Variants in SUGCT observed in about 807,000 individuals in gnomAD.
SUGCT encodes succinyl-CoA:glutarate-CoA transferase.
Under a neutral mutation model 55.0 loss-of-function variants are expected in SUGCT, and 41 were observed. That is an observed-to-expected ratio of 0.74 (90% confidence interval 0.58 to 0.97). The LOEUF (loss-of-function observed/expected upper bound fraction) is 0.97. Among genes scored for constraint, SUGCT ranks in the 50% least tolerant of loss-of-function variants. The pLI, the probability that SUGCT is intolerant of heterozygous loss-of-function variation, is 0.00. For missense variants in SUGCT, 568 were observed against 547.8 expected, an observed-to-expected ratio of 1.04 and a Z score of -0.37; for synonymous variants, 187 against 200.4, an observed-to-expected ratio of 0.93 and a Z score of 0.56.
chr7:40,464,387 C>G (rs1315096342), intron 11 of SUGCT, among the ~76,000 whole-genome samples: 1 of 152,074 alleles, frequency 6.6e-6, no homozygotes, highest in Non-Finnish European at 1.5e-5. Flanking sequence ...AGGAGCAACT[C>G]CTTTAATCTG....
intron 9 of SUGCT, among the ~76,000 whole-genome samples, chr7:40,425,615 A>G (rs948173252): frequency 5.3e-5 from 8 of 151,930 alleles, no homozygotes; most frequent in Admixed American, 3.9e-4. Flanking sequence ...CTACAAAGTG[A>G]CTCTCAGCTT....
chr7:40,946,735 A>G, the SUGCT span, among the ~76,000 whole-genome samples: 1 of 152,274 alleles, frequency 6.6e-6, no homozygotes, highest in East Asian at 1.9e-4. Flanking sequence ...TTGGTTGGCA[A>G]TTATTTTCTT....
At chr7:40,984,577 T>C in the SUGCT span, among the ~76,000 whole-genome samples, 1 of 152,202 alleles carries the variant, frequency 6.6e-6, no homozygotes, top group East Asian at 1.9e-4. Context: ...GACTTGTTTC[T>C]TAGCTATTAC....
chr7:40,156,456 C>G (rs896294921), intron 1 of SUGCT, among the ~76,000 whole-genome samples: 1 of 151,910 alleles, frequency 6.6e-6, no homozygotes, highest in Admixed American at 6.6e-5. Flanking sequence ...GAGTGAGACT[C>G]TGCCTCAAAG....
chr7:40,199,057 A>G (rs534208819), intron 6 of SUGCT, among the ~76,000 whole-genome samples: 9 of 150,984 alleles, frequency 6.0e-5, no homozygotes, highest in Non-Finnish European at 1.0e-4. Context: ...TTTTTTTTTA[A>G]TAAGACTGAT....
chr7:40,372,557 T>A (rs1479960158), intron 9 of SUGCT, among the ~76,000 whole-genome samples: 1 of 152,066 alleles, frequency 6.6e-6, no homozygotes, highest in African/African-American at 2.4e-5. Flanking sequence ...TTGATTTTAC[T>A]GGGAAATAGA....
At chr7:40,210,454 ATATG>A (rs1453316676) in intron 6 of SUGCT, among the ~76,000 whole-genome samples, 1 of 151,784 alleles carries the variant, frequency 6.6e-6, no homozygotes, top group Non-Finnish European at 1.5e-5. Flanking sequence ...ATGTGCATAT[ATATG>A]TGTGTGTGTG....
At chr7:40,824,633 A>C (rs1031353870) in intron 13 of SUGCT, among the ~76,000 whole-genome samples, 6 of 152,330 alleles carry the variant, frequency 3.9e-5, no homozygotes, top group African/African-American at 1.2e-4. Context: ...CTGCTATAAC[A>C]GAACACCAAA....
chr7:40,917,347 A>T, the SUGCT span, among the ~76,000 whole-genome samples: 18 of 152,348 alleles, frequency 1.2e-4, no homozygotes, highest in African/African-American at 4.3e-4. Context: ...AGTTTCTACC[A>T]TACATAAGTT....
intron 2 of SUGCT, among the ~76,000 whole-genome samples, chr7:40,181,515 G>A (rs922100906): frequency 7.9e-5 from 12 of 152,154 alleles, no homozygotes; most frequent in Non-Finnish European, 1.0e-4. Context: ...GGAGGCTGAG[G>A]CGGGCGGATC....
At chr7:40,208,557 A>C (rs1787133687) in intron 6 of SUGCT, among the ~76,000 whole-genome samples, 1 of 151,732 alleles carries the variant, frequency 6.6e-6, no homozygotes, top group African/African-American at 2.4e-5. Context: ...GAATAAATTG[A>C]TTCTTTTTTT....
chr7:40,420,470 C>T (rs1415715927), intron 9 of SUGCT, among the ~76,000 whole-genome samples: 2 of 152,060 alleles, frequency 1.3e-5, no homozygotes, highest in Non-Finnish European at 2.9e-5. Context: ...TCCCGAGTAG[C>T]TGGGATTACA....
chr7:40,286,241 A>G (rs559887083), intron 8 of SUGCT, among the ~76,000 whole-genome samples: 13 of 152,340 alleles, frequency 8.5e-5, no homozygotes, highest in Non-Finnish European at 1.8e-4. Flanking sequence ...TAGGAAACAC[A>G]GGGTTTGCTA....
the SUGCT span, among the ~76,000 whole-genome samples, chr7:40,899,296 C>G: frequency 6.6e-6 from 1 of 152,318 alleles, no homozygotes; most frequent in African/African-American, 2.4e-5. Context: ...CAGTGAGCAA[C>G]CTTCCTTAAG....
At chr7:40,867,900 T>C in the SUGCT span, among the ~76,000 whole-genome samples, 2 of 152,170 alleles carry the variant, frequency 1.3e-5, no homozygotes, top group Admixed American at 6.5e-5. Flanking sequence ...AACTATAATA[T>C]AATTGTGGGT....
chr7:40,762,568 C>T (rs916311708), intron 13 of SUGCT, among the ~76,000 whole-genome samples: 1 of 152,138 alleles, frequency 6.6e-6, no homozygotes, highest in African/African-American at 2.4e-5. Context: ...ACGGAGAAAT[C>T]AGTTGTGTTA....
At chr7:40,592,707 A>G (rs1466055712) in intron 12 of SUGCT, among the ~76,000 whole-genome samples, 1 of 152,076 alleles carries the variant, frequency 6.6e-6, no homozygotes, top group East Asian at 1.9e-4. Flanking sequence ...CAACATTTTG[A>G]ATATGGTTTT....
At chr7:40,896,337 A>T in the SUGCT span, among the ~76,000 whole-genome samples, 18 of 152,342 alleles carry the variant, frequency 1.2e-4, no homozygotes, top group Admixed American at 6.5e-4. Flanking sequence ...AAAGAAATTG[A>T]TGCAAAGATA....
intron 12 of SUGCT, among the ~76,000 whole-genome samples, chr7:40,518,675 A>G (rs181479715): frequency 5.3e-5 from 8 of 152,206 alleles, no homozygotes; most frequent in Admixed American, 2.6e-4. Flanking sequence ...TTCCTATTTA[A>G]AAGTATCAGA....
Sources: gnomAD v4.1 joint callset for allele counts (sites outside exome capture counted in the v4.1 genomes callset) on GRCh38, gnomAD v4.1.1 for gene constraint, MANE v1.5 for transcripts, NCBI Gene and HGNC (gene_info 2026-07-23, HGNC 2026-07-21) for gene names.